Variants in SPAG16 observed in about 807,000 individuals in gnomAD.
SPAG16 encodes sperm-associated antigen 16 protein.
A neutral mutation model predicts 80.4 loss-of-function variants in SPAG16; 86 were observed. The ratio of observed to expected loss-of-function variants is 1.07; its 90% confidence interval spans 0.90 to 1.28. The LOEUF is 1.28. SPAG16 is among the 50% of genes most tolerant of loss of function. The pLI is 0.00. For synonymous variants in SPAG16, 294 were observed against 265.9 expected (o/e 1.11, Z -1.03); for missense variants, 870 against 765.3 (o/e 1.14, Z -1.61).
chr2:214,384,752 T>C (rs1700651608), intron 15 of SPAG16, among the ~76,000 whole-genome samples: 1 of 152,198 alleles, frequency 6.6e-6, no homozygotes, highest in Non-Finnish European at 1.5e-5. Flanking sequence ...TGCTGAGCTG[T>C]TTTCCAAAGC....
At chr2:213,617,381 C>G (rs1384965677) in intron 10 of SPAG16, among the ~76,000 whole-genome samples, 1 of 152,094 alleles carries the variant, frequency 6.6e-6, no homozygotes, top group Admixed American at 6.5e-5. Context: ...GACACTTGTT[C>G]CCTAGGCTAA....
At chr2:214,351,378 G>A (rs948534592) in intron 15 of SPAG16, among the ~76,000 whole-genome samples, 1 of 151,260 alleles carries the variant, frequency 6.6e-6, no homozygotes, top group African/African-American at 2.5e-5. Context: ...AGATAGGATT[G>A]TCTGTGTGTC....
chr2:213,394,415 A>G (rs1484955674), intron 9 of SPAG16, among the ~76,000 whole-genome samples: 7 of 152,194 alleles, frequency 4.6e-5, no homozygotes, highest in Non-Finnish European at 5.9e-5. Context: ...CATATGTAAG[A>G]TATAAATCAG....
At chr2:214,036,542 C>G (rs1389527348) in intron 13 of SPAG16, among the ~76,000 whole-genome samples, 2 of 152,148 alleles carry the variant, frequency 1.3e-5, no homozygotes, top group African/African-American at 4.8e-5. Context: ...AGCTAACTAG[C>G]TATATTAAAA....
intron 9 of SPAG16, among the ~76,000 whole-genome samples, chr2:213,451,393 C>T (rs1368174380): frequency 6.6e-6 from 1 of 151,960 alleles, no homozygotes; most frequent in Non-Finnish European, 1.5e-5. Flanking sequence ...TTTTGAAATC[C>T]AGGTATGTTC....
At chr2:214,031,447 G>A (rs1489632734) in intron 13 of SPAG16, among the ~76,000 whole-genome samples, 2 of 85,758 alleles carry the variant, frequency 2.3e-5, no homozygotes, top group African/African-American at 9.0e-5. Context: ...GTGGGGTGGG[G>A]GGAGGGGGGA....
At chr2:213,629,900 C>A (rs533288984) in intron 10 of SPAG16, among the ~76,000 whole-genome samples, 3 of 152,210 alleles carry the variant, frequency 2.0e-5, no homozygotes, top group Non-Finnish European at 2.9e-5. Flanking sequence ...GGCACAGCCT[C>A]CTTTTTCCAG....
chr2:213,321,677 A>C (rs552909878), intron 5 of SPAG16, among the ~76,000 whole-genome samples: 1 of 152,166 alleles, frequency 6.6e-6, no homozygotes, highest in Non-Finnish European at 1.5e-5. Context: ...TGTTGTCAAC[A>C]GTGTCAATTT....
intron 15 of SPAG16, among the ~76,000 whole-genome samples, chr2:214,319,707 T>C (rs923892645): frequency 1.1e-4 from 17 of 152,154 alleles, no homozygotes; most frequent in Admixed American, 8.5e-4. Context: ...GGCATTCTTC[T>C]CTTCCTCACA....
Position 213,988,022 on chromosome 2 carries a change from G to A in SPAG16, c.1401-25929G>A, listed in dbSNP as rs914600002. 4.6e-5 allele frequency among the ~76,000 whole-genome samples: 7 copies of A among 151,810 alleles called. 1 individual carries two copies. In the South Asian group the frequency reaches 1.5e-3, roughly 32 times the overall value. On this transcript the variant is annotated intron_variant, in intron 12 of 15. Coordinates refer to ENST00000331683, the MANE Select transcript of SPAG16 (RefSeq NM_024532.5). ...TTATACTTGCAAAAACTAACCAGCT[G>A]AAGTGGGAGAAAAAAGGGATTGAAA...
At chr2:214,284,473 C>A (rs759803508) in intron 15 of SPAG16, among the ~76,000 whole-genome samples, 5 of 152,150 alleles carry the variant, frequency 3.3e-5, no homozygotes, top group Non-Finnish European at 7.3e-5. Flanking sequence ...AATATACACC[C>A]TACTGGTGGT....
At chr2:214,181,917 A>G (rs2057319697) in intron 15 of SPAG16, among the ~76,000 whole-genome samples, 1 of 151,834 alleles carries the variant, frequency 6.6e-6, no homozygotes. Flanking sequence ...TCTAGGCATC[A>G]CAACTGCATG....
At chr2:213,416,002 A>AACATGG (rs2069232365) in intron 9 of SPAG16, among the ~76,000 whole-genome samples, 1 of 152,254 alleles carries the variant, frequency 6.6e-6, no homozygotes, top group Admixed American at 6.5e-5. Flanking sequence ...ATTGAACACA[A>AACATGG]ACATGGAAGA....
intron 10 of SPAG16, among the ~76,000 whole-genome samples, chr2:213,602,652 A>G (rs2061111110): frequency 6.6e-6 from 1 of 152,220 alleles, no homozygotes. Flanking sequence ...AAAAGCAACA[A>G]CAACAACAAA....
chr2:213,318,848 T>G (rs1429024870), intron 5 of SPAG16, among the ~76,000 whole-genome samples: 1 of 151,932 alleles, frequency 6.6e-6, no homozygotes, highest in Non-Finnish European at 1.5e-5. Context: ...ATATATTTTA[T>G]GAAAATAAAT....
At chr2:213,410,262 C>T (rs1002981787) in intron 9 of SPAG16, among the ~76,000 whole-genome samples, 2 of 152,152 alleles carry the variant, frequency 1.3e-5, no homozygotes, top group Non-Finnish European at 2.9e-5. Context: ...TAGTTATTAA[C>T]ATAAGCAAGT....
intron 12 of SPAG16, among the ~76,000 whole-genome samples, chr2:213,933,655 ATAG>A (rs2078866163): frequency 6.6e-6 from 1 of 152,216 alleles, no homozygotes; most frequent in African/African-American, 2.4e-5. Context: ...TGTACCAAGG[ATAG>A]TAGGAAACAG....
At chr2:213,896,641 T>C (rs947476167) in intron 11 of SPAG16, among the ~76,000 whole-genome samples, 5 of 136,558 alleles carry the variant, frequency 3.7e-5, no homozygotes, top group African/African-American at 1.3e-4. Flanking sequence ...TATATGATAT[T>C]CTATTATGTG....
chr2:213,360,327 G>A (rs2065905131), intron 7 of SPAG16, among the ~76,000 whole-genome samples: 1 of 152,204 alleles, frequency 6.6e-6, no homozygotes, highest in Non-Finnish European at 1.5e-5. Flanking sequence ...GCCAATGCAA[G>A]TCCTAGTTAT....
Sources: allele counts gnomAD v4.1 joint callset (sites outside exome capture counted in the v4.1 genomes callset), GRCh38; gene constraint gnomAD v4.1.1; transcripts MANE v1.5; gene names NCBI Gene and HGNC (gene_info 2026-07-23, HGNC 2026-07-21).